Variants in BNIP2 observed in about 807,000 individuals in gnomAD.
BNIP2 encodes the protein BCL2/adenovirus E1B 19 kDa protein-interacting protein 2.
Under a neutral mutation model 43.4 loss-of-function variants are expected in BNIP2, and 36 were observed. The observed-to-expected ratio is 0.83, with a 90% CI of 0.64 to 1.10. The LOEUF (loss-of-function observed/expected upper bound fraction) is 1.10. Among genes scored for constraint, BNIP2 ranks in the 50% least tolerant of loss-of-function variants. The pLI, the probability that BNIP2 is intolerant of heterozygous loss-of-function variation, is 0.00. For missense variants in BNIP2, 417 were observed against 374.1 expected (o/e 1.11, Z -0.95); for synonymous variants, 146 against 121.0 (o/e 1.21, Z -1.35).
chr15:59,678,661 T>C, intron 4 of BNIP2: 1 of 1,184,090 alleles, frequency 8.4e-7, no homozygotes, highest in South Asian at 1.6e-5. Flanking sequence ...GCACCAATGA[T>C]TAAGTGTAAT....
At chr15:59,682,786 T>G (rs1182114274) in intron 1 of BNIP2, among the ~76,000 whole-genome samples, 2 of 152,208 alleles carry the variant, frequency 1.3e-5, no homozygotes, top group Admixed American at 1.3e-4. Context: ...TCTCAGGTTA[T>G]GATTGAAAAT....
intron 9 of BNIP2, among the ~76,000 whole-genome samples, chr15:59,666,778 A>C (rs1227541932): frequency 1.3e-5 from 2 of 152,178 alleles, no homozygotes; most frequent in Non-Finnish European, 2.9e-5. Context: ...CAAAAAACAG[A>C]ACGTTTTTGA....
chr15:59,682,325 TC>T lies in BNIP2; in HGVS notation c.50+82del. 4 of 1,279,540 alleles carry T rather than the reference TC, an allele frequency of 3.1e-6. No homozygotes were observed. The South Asian group carries it at 5.4e-5, about 17-fold the overall frequency. The allele number at this position is 1,279,540 out of a possible 1,614,324, so 79.3% of individuals were successfully genotyped here. On this transcript the variant is annotated intron_variant, in intron 2 of 9. Transcript: ENST00000607373. ...CTGGGCAACAGAGCAAGACTCCGTC[TC>T]AAAAAAAAAAAAAGTAACATCTCGA... is the stretch of plus-strand genomic sequence containing the variant.
Position 59,662,479 on chromosome 15 carries a change from A to C in BNIP2, c.*1590T>G, listed in dbSNP as rs2141980616. On this transcript the variant is annotated 3_prime_UTR_variant, in exon 10 of 10. Transcript: ENST00000607373. ...TCAGGAGGCTGCTGAGGAATGTTTCATCCTGGGAATCCTCCAGCATCTCTC... is the reference window on the plus strand; with the variant it reads ...TCAGGAGGCTGCTGAGGAATGTTTCCTCCTGGGAATCCTCCAGCATCTCTC... The C allele has an allele frequency of 6.6e-6, 1 of 152,350 alleles. No homozygotes were observed. Among genetic ancestry groups the C allele is most frequent in the East Asian group, 1.9e-4 (1 of 5,192 alleles). The allele number at this position is 152,350 out of a possible 1,614,324, so 9.4% of individuals were successfully genotyped here.
At chr15:59,682,278 G>T (rs1194563413) in intron 2 of BNIP2, 130 bp downstream of exon 2, 7 of 680,252 alleles carry the variant, frequency 1.0e-5, no homozygotes, top group Non-Finnish European at 1.7e-5. Flanking sequence ...AGTGAGCTGA[G>T]ATCGCGCCAC....
intron 5 of BNIP2, among the ~76,000 whole-genome samples, chr15:59,675,081 T>G (rs1244195527): frequency 6.6e-6 from 1 of 151,276 alleles, no homozygotes; most frequent in Non-Finnish European, 1.5e-5. Flanking sequence ...AAACCCCGTC[T>G]CTACTAAAAA....
intron 5 of BNIP2, chr15:59,676,900 G>T: frequency 7.5e-6 from 12 of 1,601,450 alleles, no homozygotes; most frequent in Non-Finnish European, 9.4e-6. Flanking sequence ...CCTGCACGGT[G>T]TGGCTGGCAG....
In BNIP2 at chr15:59,675,863, T is replaced by G. The variant is rs1381284080; in HGVS notation, c.472+2048A>C. ...TCATGCTGAAAAGTAAACAAAAGAG[T>G]GCATAGGATGATTTTAGTTACTATA... On this transcript the variant is annotated intron_variant, in intron 5 of 9. Transcript: ENST00000607373. Among the ~76,000 whole-genome samples, 11 of 151,754 alleles carry G rather than the reference T, an allele frequency of 7.2e-5. No homozygotes were observed. The South Asian group carries it at 8.3e-4, about 11-fold the overall frequency.
intron 4 of BNIP2, chr15:59,678,667 G>T: frequency 4.2e-6 from 5 of 1,188,816 alleles, no homozygotes; most frequent in Non-Finnish European, 5.3e-6. Flanking sequence ...ATGATTAAGT[G>T]TAATTTATGT....
At chr15:59,687,198 TCTA>T (rs1174674646) in intron 1 of BNIP2, among the ~76,000 whole-genome samples, 1 of 152,154 alleles carries the variant, frequency 6.6e-6, no homozygotes, top group Non-Finnish European at 1.5e-5. Flanking sequence ...AAAAAGATAA[TCTA>T]CTAACTGATG....
At chr15:59,678,980 A>C (rs1595701890) in intron 4 of BNIP2, 1 of 609,250 alleles carries the variant, frequency 1.6e-6, no homozygotes, top group Non-Finnish European at 2.3e-6. Context: ...AGCATATCAC[A>C]CTTTATTACA....
At position 59,669,323 on chromosome 15, in the gene BNIP2, A is replaced by C. The variant is rs772295514; in HGVS notation, c.747T>G (p.Pro249=). 1 of 1,550,652 alleles carries C rather than the reference A, an allele frequency of 6.4e-7. No individual in the cohort carries two copies. Among genetic ancestry groups the C allele is most frequent in the East Asian group, 2.3e-5 (1 of 43,122 alleles). Residue 249 remains proline (P), a synonymous_variant, in exon 8 of 10, where the codon CCT becomes CCG. Transcript: ENST00000607373. ...CCAGAAGTGTTCTGATAAACCAAGA[A>C]GGATGTACAATGATTAGGGATTTTA... ...KNLKSLIIVH[P]SWFIRTLLAV... is the part of the protein sequence containing the mutation.
chr15:59,664,572 G>A (rs1408943308), intron 9 of BNIP2, among the ~76,000 whole-genome samples: 5 of 151,972 alleles, frequency 3.3e-5, no homozygotes, highest in Admixed American at 2.6e-4. Context: ...TAGTAGAGGT[G>A]GGGTTTCACC....
chr15:59,688,880 A>C, intron 1 of BNIP2: 2 of 1,482,866 alleles, frequency 1.3e-6, no homozygotes, highest in South Asian at 1.3e-5. Context: ...AACTACCAGA[A>C]ACGGAAAAGC....
intron 9 of BNIP2, among the ~76,000 whole-genome samples, chr15:59,664,404 C>T (rs570372449): frequency 3.3e-5 from 5 of 151,702 alleles, no homozygotes; most frequent in East Asian, 3.9e-4. Flanking sequence ...ATTTTTGAGA[C>T]GGAGTCTTGC....
Position 59,668,092 on chromosome 15 carries a change from T to A in BNIP2, c.893+800A>T, listed in dbSNP as rs576614847. The A allele has an allele frequency of 8.7e-5, 113 of 1,296,400 alleles. No individual in the cohort carries two copies. The Admixed American group carries it at 2.3e-3, about 26-fold the overall frequency. 80.3% of individuals were successfully genotyped at this position (1,296,400 alleles called of 1,614,324 possible). ...TAGTCTAGATGCAACCCAGTCAAGG[T>A]GTGCATATACCTTTTTTGTTTCTTT... On this transcript the variant is annotated intron_variant, in intron 9 of 9. Transcript: ENST00000607373.
intron 5 of BNIP2, chr15:59,676,692 G>A (rs1285057490): frequency 8.9e-6 from 6 of 670,964 alleles, no homozygotes; most frequent in South Asian, 1.9e-5. Context: ...TGCATGAAAC[G>A]GCTAGGGCAG....
At chr15:59,669,176 T>C in intron 8 of BNIP2, 100 bp downstream of exon 8, 1 of 1,053,028 alleles carries the variant, frequency 9.5e-7, no homozygotes, top group African/African-American at 1.6e-5. Context: ...CATATCAAAA[T>C]ATAGCTCTGT....
intron 9 of BNIP2, chr15:59,668,208 CTAAAAA>C: frequency 1.0e-6 from 1 of 982,754 alleles, no homozygotes; most frequent in Non-Finnish European, 1.4e-6. Flanking sequence ...AAAAAAGCTA[CTAAAAA>C]TAAACTCATT....
Sources: allele counts gnomAD v4.1 joint callset (sites outside exome capture counted in the v4.1 genomes callset), GRCh38; gene constraint gnomAD v4.1.1; transcripts MANE v1.5; gene names NCBI Gene and HGNC (gene_info 2026-07-23, HGNC 2026-07-21).